Variants in PDE3B observed in about 807,000 individuals in gnomAD.
PDE3B encodes the protein phosphodiesterase 3B, also known as cGMP-inhibited 3',5'-cyclic phosphodiesterase 3B.
In PDE3B, 66 loss-of-function variants were observed where a neutral mutation model predicts 116.8. The observed-to-expected ratio is 0.56, with a 90% CI of 0.46 to 0.69. PDE3B has a LOEUF of 0.69. Ranked by LOEUF, PDE3B falls within the 30% of genes least tolerant of loss-of-function variation. The pLI is 0.00. For missense variants in PDE3B, 1,384 were observed against 1,368.1 expected (o/e 1.01, Z -0.18); for synonymous variants, 595 against 533.6 (o/e 1.12, Z -1.59).
intron 5 of PDE3B, among the ~76,000 whole-genome samples, chr11:14,810,411 T>C (rs1203918960): frequency 2.7e-5 from 4 of 150,136 alleles, no homozygotes; most frequent in Non-Finnish European, 5.9e-5. Flanking sequence ...AGTGAGAATA[T>C]GCAGTGTTTG....
At chr11:14,743,030 G>T (rs142421215) in intron 1 of PDE3B, among the ~76,000 whole-genome samples, 1 of 152,206 alleles carries the variant, frequency 6.6e-6, no homozygotes, top group East Asian at 1.9e-4. Flanking sequence ...CTCCGAGTCA[G>T]GAGGCACGGG....
intron 12 of PDE3B, among the ~76,000 whole-genome samples, chr11:14,858,008 C>A (rs1044947287): frequency 6.6e-6 from 1 of 152,142 alleles, no homozygotes; most frequent in African/African-American, 2.4e-5. Context: ...TTATATGGCT[C>A]ATTGCAAAGT....
rs1857206095 is a variant in PDE3B at position 14,756,979 on chromosome 11, A to C, written c.979-14958A>C. Among the ~76,000 whole-genome samples, 4 of 119,266 alleles carry C rather than the reference A, an allele frequency of 3.4e-5. No individual in the cohort carries two copies. The South Asian group carries it at 1.1e-3, about 33-fold the overall frequency. The allele number at this position is 119,266 out of a possible 152,430, so 78.2% of individuals were successfully genotyped here. A position where few individuals can be genotyped will look rare whatever the true frequency, so the allele number is the denominator to read the frequency against. On this transcript the variant is annotated intron_variant, in intron 1 of 15. Transcript: ENST00000282096. ...CCCCCCACCCCACCACAGTCCCCAGAGTGTGATATTCCCCTTCCTGTGTCC... is the reference window on the plus strand; with the variant it reads ...CCCCCCACCCCACCACAGTCCCCAGCGTGTGATATTCCCCTTCCTGTGTCC...
intron 4 of PDE3B, among the ~76,000 whole-genome samples, chr11:14,800,222 A>C (rs1438070508): frequency 6.6e-6 from 1 of 152,168 alleles, no homozygotes; most frequent in African/African-American, 2.4e-5. Flanking sequence ...TTCTGGGTTG[A>C]AAATTCTTTT....
the PDE3B span, among the ~76,000 whole-genome samples, chr11:14,898,021 T>G: frequency 6.6e-6 from 1 of 152,286 alleles, no homozygotes; most frequent in East Asian, 1.9e-4. Flanking sequence ...TACCCTCATA[T>G]GTGGTTAGAC....
chr11:14,840,627 G>A (rs562395619), intron 11 of PDE3B, among the ~76,000 whole-genome samples: 1 of 152,278 alleles, frequency 6.6e-6, no homozygotes, highest in East Asian at 1.9e-4. Context: ...TTTATAAATA[G>A]TTCTGCCCAA....
intron 1 of PDE3B, among the ~76,000 whole-genome samples, chr11:14,702,185 T>C (rs150638421): frequency 7.7e-4 from 117 of 151,920 alleles, no homozygotes; most frequent in African/African-American, 2.3e-3. Flanking sequence ...ATTATAAAAA[T>C]TGTATTATCA....
chr11:14,698,248 G>C (rs1267794263), intron 1 of PDE3B, among the ~76,000 whole-genome samples: 2 of 151,660 alleles, frequency 1.3e-5, no homozygotes, highest in Non-Finnish European at 2.9e-5. Context: ...TTAAAAAAAC[G>C]ATAAATGAAT....
rs539751433 is a variant in PDE3B, at chr11:14,810,256, C to T, written c.1522+6206C>T. Among the ~76,000 whole-genome samples the T allele has an allele frequency of 2.6e-3, 399 of 151,518 alleles. 2 individuals carry two copies. The highest frequency in any genetic ancestry group is 3.9e-3 in the Admixed American group (60 of 15,234). ...TATGTATACATGTGCCATGCTGGTG[C>T]GCTGCACCCACTAACTCGTCATCTA... On this transcript the variant is annotated intron_variant, in intron 5 of 15. Transcript: ENST00000282096.
At chr11:14,687,828 A>ATTAT (rs1308461711) in intron 1 of PDE3B, among the ~76,000 whole-genome samples, 1 of 152,208 alleles carries the variant, frequency 6.6e-6, no homozygotes, top group Non-Finnish European at 1.5e-5. Context: ...TAAAGTTATA[A>ATTAT]GATTATAATT....
At chr11:14,709,613 G>A (rs998355155) in intron 1 of PDE3B, among the ~76,000 whole-genome samples, 1 of 152,154 alleles carries the variant, frequency 6.6e-6, no homozygotes, top group African/African-American at 2.4e-5. Context: ...ACAGATTTGT[G>A]TGTGTTCTGG....
chr11:14,885,893 T>G, the PDE3B span: 10 of 1,613,610 alleles, frequency 6.2e-6, no homozygotes, highest in Non-Finnish European at 8.5e-6. Context: ...ACAGTTGATA[T>G]GCCTCCAAGA....
intron 3 of PDE3B, among the ~76,000 whole-genome samples, chr11:14,787,923 C>G (rs1024543291): frequency 3.3e-5 from 5 of 151,720 alleles, no homozygotes; most frequent in African/African-American, 1.2e-4. Flanking sequence ...AATTTTTAAT[C>G]AGAAATCATA....
rs184904039 is a variant in PDE3B, at chr11:14,650,299, G to A, written c.978+5246G>A. On this transcript the variant is annotated intron_variant, in intron 1 of 15. Transcript: ENST00000282096. ...CCTCACTGCAAACTCTGCCTTGCAG[G>A]CTCAAGTAATCCTCCCACCTCAGCC... Among the ~76,000 whole-genome samples the A allele has an allele frequency of 7.8e-4, 118 of 151,918 alleles. No individual in the cohort carries two copies. The Middle Eastern group carries it at 0.014, about 18-fold the overall frequency.
intron 2 of PDE3B, among the ~76,000 whole-genome samples, chr11:14,784,463 C>A (rs1565135859): frequency 1.3e-5 from 2 of 152,088 alleles, no homozygotes; most frequent in Non-Finnish European, 2.9e-5. Context: ...AATGTTGATA[C>A]CAGTAGACGG....
At chr11:14,679,134 A>G (rs534333878) in intron 1 of PDE3B, among the ~76,000 whole-genome samples, 16 of 152,144 alleles carry the variant, frequency 1.1e-4, no homozygotes, top group African/African-American at 3.9e-4. Context: ...TGCCAATACC[A>G]CACTGTCTTG....
chr11:14,682,386 T>G (rs538530330), intron 1 of PDE3B, among the ~76,000 whole-genome samples: 10 of 152,224 alleles, frequency 6.6e-5, no homozygotes, highest in Non-Finnish European at 1.5e-4. Context: ...AGTACCATGA[T>G]GAATAAGAGA....
chr11:14,869,427 T>C, intron 15 of PDE3B, 34 bp from the exon 16 acceptor site: 2 of 1,564,552 alleles, frequency 1.3e-6, no homozygotes, highest in Non-Finnish European at 8.7e-7. Flanking sequence ...ATCATATTGC[T>C]ATGATTAGAA....
At chr11:14,764,896 A>G (rs1429318545) in intron 1 of PDE3B, among the ~76,000 whole-genome samples, 2 of 135,430 alleles carry the variant, frequency 1.5e-5, no homozygotes, top group Non-Finnish European at 3.2e-5. Flanking sequence ...TCTGCTTCTC[A>G]GTTTTTCTGA....
Sources: gnomAD v4.1 joint callset for allele counts (sites outside exome capture counted in the v4.1 genomes callset) on GRCh38, gnomAD v4.1.1 for gene constraint, MANE v1.5 for transcripts, NCBI Gene and HGNC (gene_info 2026-07-23, HGNC 2026-07-21) for gene names.